Variants in ZNF804A observed in about 807,000 individuals in gnomAD.
ZNF804A encodes the protein zinc finger protein 804A.
A neutral mutation model predicts 16.5 loss-of-function variants in ZNF804A; 2 were observed. That is an observed-to-expected ratio of 0.12 (90% CI 0.05 to 0.38). The LOEUF (loss-of-function observed/expected upper bound fraction) is 0.38, where lower values mean the gene tolerates loss of function less well. ZNF804A is among the 10% of genes least tolerant of loss of function. The probability of loss-of-function intolerance (pLI) is 0.99; values close to 1 mark genes in which losing one functional copy is unlikely to be tolerated. For missense variants in ZNF804A, 1,473 were observed against 1,390.7 expected (o/e 1.06, Z -0.94); for synonymous variants, 534 against 489.6 (o/e 1.09, Z -1.20).
intron 2 of ZNF804A, among the ~76,000 whole-genome samples, chr2:184,921,874 T>C (rs1008012988): frequency 3.3e-5 from 5 of 152,130 alleles, no homozygotes; most frequent in Admixed American, 3.3e-4. Flanking sequence ...GTGGTGTTTG[T>C]CTTTCAGTGC....
intron 1 of ZNF804A, among the ~76,000 whole-genome samples, chr2:184,688,563 T>G (rs1692677111): frequency 6.6e-6 from 1 of 152,160 alleles, no homozygotes; most frequent in Non-Finnish European, 1.5e-5. Flanking sequence ...CTTACCTATT[T>G]TACTATTTTA....
chr2:184,856,872 C>T lies in ZNF804A; in HGVS notation c.112-9497C>T, dbSNP rs544263511. Among the ~76,000 whole-genome samples the T allele has an allele frequency of 5.3e-5, 8 of 152,192 alleles. No individual in the cohort carries two copies. In the South Asian group the frequency reaches 1.2e-3, roughly 24 times the overall value. ...CTGAAAAAATTTTAAGTCCAAAACACTCTAGTCTCAAGCATATCAGATAAG... is the reference window on the plus strand; with the variant it reads ...CTGAAAAAATTTTAAGTCCAAAACATTCTAGTCTCAAGCATATCAGATAAG... On this transcript the variant is annotated intron_variant, in intron 1 of 3. Transcript: ENST00000302277.
intron 2 of ZNF804A, among the ~76,000 whole-genome samples, chr2:184,894,517 T>A (rs1685036036): frequency 6.6e-6 from 1 of 152,060 alleles, no homozygotes; most frequent in Admixed American, 6.6e-5. Context: ...ATCTCTCTAC[T>A]ACCCTTCCTT....
At chr2:184,889,270 T>C (rs960604674) in intron 2 of ZNF804A, among the ~76,000 whole-genome samples, 1 of 152,004 alleles carries the variant, frequency 6.6e-6, no homozygotes, top group Non-Finnish European at 1.5e-5. Context: ...TTTAAGGATC[T>C]GAAAATGAAT....
At position 184,936,216 on chromosome 2, in the gene ZNF804A, A is replaced by C. The variant is rs145899824; in HGVS notation, c.820A>C (p.Lys274Gln). The change falls in exon 4 of 4, where the codon AAA becomes CAA. Residue 274 changes from lysine (K) to glutamine (Q), a missense_variant. By Grantham distance (53) the Lys-to-Gln change is moderately conservative. Transcript: ENST00000302277. Reference protein sequence around the residue: ...PTDVLLSSEEKTNSFHPPEAM... With the variant: ...PTDVLLSSEEQTNSFHPPEAM... ...AGATGTGCTTTTGAGTTCTGAGGAG[A>C]AAACTAACTCTTTTCATCCACCAGA... The C allele has an allele frequency of 1.1e-5, 18 of 1,614,052 alleles. No individual in the cohort carries two copies. Among genetic ancestry groups the C allele is most frequent in the Middle Eastern group, 1.7e-4 (1 of 6,060 alleles).
rs539511464 is a variant in ZNF804A at position 184,933,679 on chromosome 2, A to C, written c.332A>C (p.Glu111Ala). The change falls in exon 3 of 4, where the codon GAA (glutamate) becomes GCA (alanine). Residue 111 changes from glutamate (E) to alanine (A), a missense_variant. By Grantham distance (107) the Glu-to-Ala change is moderately radical. Transcript: ENST00000302277. Reference sequence around the variant, plus strand: ...TCCAGGAAAGATGAAAGAAAACAGGAAAAGGCACTCCAACGCCTGCACAAG... The same window carrying C: ...TCCAGGAAAGATGAAAGAAAACAGGCAAAGGCACTCCAACGCCTGCACAAG... ...SKSRKDERKQ[E>A]KALQRLHKLA... The C allele has an allele frequency of 5.6e-6, 9 of 1,610,428 alleles. No individual in the cohort carries two copies. The highest frequency in any genetic ancestry group is 2.2e-5 in the East Asian group (1 of 44,666).
At chr2:184,917,949 A>G (rs1269967379) in intron 2 of ZNF804A, among the ~76,000 whole-genome samples, 1 of 152,076 alleles carries the variant, frequency 6.6e-6, no homozygotes, top group Admixed American at 6.5e-5. Context: ...TTTATCCTCA[A>G]CAAGCACCTC....
intron 1 of ZNF804A, among the ~76,000 whole-genome samples, chr2:184,806,846 T>C (rs553193594): frequency 2.0e-5 from 3 of 151,934 alleles, no homozygotes; most frequent in South Asian, 2.1e-4. Flanking sequence ...AATTAATTTG[T>C]TTATAAGATT....
chr2:184,859,914 C>T (rs1363890892), intron 1 of ZNF804A, among the ~76,000 whole-genome samples: 1 of 152,000 alleles, frequency 6.6e-6, no homozygotes, highest in African/African-American at 2.4e-5. Flanking sequence ...TGCCTTGGCA[C>T]CGGGGTGGGC....
chr2:184,853,163 AT>A (rs2105805106), intron 1 of ZNF804A, among the ~76,000 whole-genome samples: 1 of 151,898 alleles, frequency 6.6e-6, no homozygotes, highest in South Asian at 2.1e-4. Context: ...CCTTGGTTAA[AT>A]TTATGCCCAT....
At chr2:184,662,819 A>C (rs1232803985) in intron 1 of ZNF804A, among the ~76,000 whole-genome samples, 3 of 152,210 alleles carry the variant, frequency 2.0e-5, no homozygotes, top group Non-Finnish European at 4.4e-5. Context: ...TATGCCACCT[A>C]ACCTTGAGAC....
At chr2:184,921,389 T>C (rs1559003453) in intron 2 of ZNF804A, among the ~76,000 whole-genome samples, 1 of 152,178 alleles carries the variant, frequency 6.6e-6, no homozygotes, top group Non-Finnish European at 1.5e-5. Flanking sequence ...TATTTGTGCA[T>C]AGAAGATCAA....
intron 1 of ZNF804A, among the ~76,000 whole-genome samples, chr2:184,809,472 T>C (rs552728791): frequency 6.6e-6 from 1 of 151,910 alleles, no homozygotes; most frequent in Admixed American, 6.6e-5. Flanking sequence ...TATTTGCATG[T>C]GTATTTAGAA....
rs149878573 is a variant in ZNF804A, at chr2:184,772,971, G to GTA, written c.112-93388_112-93387dup. ...TACATATATACATATACATATATAT[G>GTA]TATATATATATGTGTGTGTGGGGTG... On this transcript the variant is annotated intron_variant, in intron 1 of 3. Coordinates refer to ENST00000302277, the MANE Select transcript of ZNF804A (RefSeq NM_194250.2). Among the ~76,000 whole-genome samples, 265 of 142,002 alleles carry GTA rather than the reference G, an allele frequency of 1.9e-3. 10 individuals carry two copies. The East Asian group carries it at 0.038, about 20-fold the overall frequency. The allele number at this position is 142,002 out of a possible 152,430, so 93.2% of individuals were successfully genotyped here.
At chr2:184,608,872 T>C (rs747200698) in intron 1 of ZNF804A, among the ~76,000 whole-genome samples, 5 of 152,166 alleles carry the variant, frequency 3.3e-5, no homozygotes, top group Non-Finnish European at 7.4e-5. Context: ...TATAAGGAAT[T>C]TGGAGGATAA....
chr2:184,914,647 C>G (rs942522851), intron 2 of ZNF804A, among the ~76,000 whole-genome samples: 1 of 152,038 alleles, frequency 6.6e-6, no homozygotes, highest in African/African-American at 2.4e-5. Context: ...AAAACACTTG[C>G]TAAACTGTTA....
chr2:184,768,565 T>A (rs977851181), intron 1 of ZNF804A, among the ~76,000 whole-genome samples: 9 of 152,200 alleles, frequency 5.9e-5, no homozygotes, highest in African/African-American at 2.2e-4. Context: ...TCTCCTTAAT[T>A]TCTGTTTCAG....
At chr2:184,637,148 C>T (rs776431657) in intron 1 of ZNF804A, among the ~76,000 whole-genome samples, 4 of 151,996 alleles carry the variant, frequency 2.6e-5, no homozygotes, top group Non-Finnish European at 5.9e-5. Context: ...AATTAAAAAC[C>T]TCTTTTTAGA....
intron 1 of ZNF804A, among the ~76,000 whole-genome samples, chr2:184,621,577 C>T (rs1691421616): frequency 6.6e-6 from 1 of 151,588 alleles, no homozygotes; most frequent in Non-Finnish European, 1.5e-5. Context: ...TATTGATTGC[C>T]TCTATGTAGC....
Sources: gnomAD v4.1 joint callset for allele counts (sites outside exome capture counted in the v4.1 genomes callset) on GRCh38, gnomAD v4.1.1 for gene constraint, MANE v1.5 for transcripts, NCBI Gene and HGNC (gene_info 2026-07-23, HGNC 2026-07-21) for gene names.